Variants in LRRC4B observed in about 807,000 individuals in gnomAD.
The protein encoded by LRRC4B is leucine rich repeat containing 4B.
A neutral mutation model predicts 7.3 loss-of-function variants in LRRC4B; 1 was observed. The observed-to-expected ratio is 0.14, with a 90% confidence interval of 0.05 to 0.65. The LOEUF (loss-of-function observed/expected upper bound fraction) is 0.65, where lower values mean the gene tolerates loss of function less well. Ranked by LOEUF, LRRC4B falls within the 30% of genes least tolerant of loss-of-function variation. LRRC4B has a pLI of 0.84. For missense variants in LRRC4B, 730 were observed against 1,041.6 expected (o/e 0.70, Z 4.12); for synonymous variants, 500 against 499.2 (o/e 1.00, Z -0.02).
intron 1 of LRRC4B, among the ~76,000 whole-genome samples, chr19:50,562,528 TA>T (rs1218513540): frequency 2.0e-5 from 3 of 152,204 alleles, no homozygotes; most frequent in Non-Finnish European, 4.4e-5. Flanking sequence ...CCTCTGCGTT[TA>T]CCCCCTGGGG....
chr19:50,526,270 A>G (rs764196725), intron 2 of LRRC4B, among the ~76,000 whole-genome samples: 62 of 152,154 alleles, frequency 4.1e-4, no homozygotes, highest in Non-Finnish European at 6.0e-4. Context: ...CTGTTCTGGC[A>G]AGTCCCTGAG....
At chr19:50,567,325 G>C (rs1183531912) in intron 1 of LRRC4B, among the ~76,000 whole-genome samples, 4 of 151,796 alleles carry the variant, frequency 2.6e-5, no homozygotes, top group African/African-American at 9.7e-5. Flanking sequence ...GGTGACCCCA[G>C]AGGGAGAAGG....
In LRRC4B at chr19:50,518,354, G is replaced by A. The variant is rs1980396203; in HGVS notation, c.1359C>T (p.Val453=). The A allele has an allele frequency of 6.2e-7, 1 of 1,604,640 alleles. No individual in the cohort carries two copies. The highest frequency in any genetic ancestry group is 1.7e-5 in the Admixed American group (1 of 58,616). Residue 453 remains valine (V), a synonymous_variant, in exon 3 of 3, where the codon GTC becomes GTT. Transcript: ENST00000652263. The part of the protein sequence containing the change: ...GNTTASATLN[V]SAVDPVAAGG... ...CGGCCGCCACGGGGTCCACGGCCGA[G>A]ACGTTGAGCGTGGCCGAGGCGGTGG...
rs1441301947 is a variant in LRRC4B at position 50,518,155 on chromosome 19, C to T, written c.1558G>A (p.Gly520Ser). Reference protein sequence around the residue: ...EKEPPGPTTDGVWGGGRPGDA... With the variant: ...EKEPPGPTTDSVWGGGRPGDA... ...CCAGGCCGGCCCCCACCCCAGACAC[C>T]GTCTGTCGTGGGCCCTGGCGGTTCC... Residue 520 changes from glycine (G) to serine (S), a missense_variant, in exon 3 of 3, where the codon GGT (glycine) becomes AGT (serine). Transcript: ENST00000652263. 3.1e-6 allele frequency: 5 copies of T among 1,605,440 alleles called. No homozygotes were observed. Among genetic ancestry groups the T allele is most frequent in the African/African-American group, 1.3e-5 (1 of 74,816 alleles).
intron 2 of LRRC4B, among the ~76,000 whole-genome samples, chr19:50,525,608 G>A (rs965701456): frequency 4.7e-5 from 7 of 147,942 alleles, no homozygotes; most frequent in African/African-American, 1.8e-4. Context: ...TAGTAGAGAC[G>A]AGGGTTTTAT....
At chr19:50,535,100 C>T (rs1488016686) in intron 2 of LRRC4B, among the ~76,000 whole-genome samples, 1 of 152,096 alleles carries the variant, frequency 6.6e-6, no homozygotes, top group Non-Finnish European at 1.5e-5. Flanking sequence ...GATCTCCTGA[C>T]CTCATGATCT....
At chr19:50,532,075 AC>A (rs918067487) in intron 2 of LRRC4B, among the ~76,000 whole-genome samples, 11 of 151,674 alleles carry the variant, frequency 7.3e-5, no homozygotes, top group African/African-American at 2.7e-4. Context: ...CAACAACAAC[AC>A]CCACCAAAAT....
rs1020659806 is a variant in LRRC4B, at chr19:50,540,999, T to C, written c.297+7543A>G. On this transcript the variant is annotated intron_variant, in intron 2 of 2. Coordinates refer to ENST00000652263, the MANE Select transcript of LRRC4B (RefSeq NM_001080457.2). ...GAGATCGAGACCATCCTGGCTAACA[T>C]GGTGAAACCCTATCTCTACTAAAAA... 1.1e-4 allele frequency among the ~76,000 whole-genome samples: 16 copies of C among 151,354 alleles called. 1 individual carries two copies. Among genetic ancestry groups the C allele is most frequent in the African/African-American group, 3.4e-4 (14 of 41,174 alleles).
chr19:50,535,605 G>A lies in LRRC4B; in HGVS notation c.297+12937C>T, dbSNP rs140987750. 2.0e-5 allele frequency among the ~76,000 whole-genome samples: 3 copies of A among 152,304 alleles called. No homozygotes were observed. The East Asian group carries it at 5.8e-4, about 29-fold the overall frequency. ...TTGTCACATCAACTGTCTTTATGAT[G>A]ACTTCTCATATTTCTTGCTTGTCCC... On this transcript the variant is annotated intron_variant, in intron 2 of 2. Transcript: ENST00000652263.
intron 2 of LRRC4B, among the ~76,000 whole-genome samples, chr19:50,527,348 CTT>C (rs59423387): frequency 0.58 from 71,998 of 124,050 alleles, 20,242 homozygotes; most frequent in South Asian, 0.67. Context: ...TTTCTTTTTT[CTT>C]TTTTTTTTTT....
At chr19:50,523,713 C>T (rs1281376217) in intron 2 of LRRC4B, among the ~76,000 whole-genome samples, 1 of 151,892 alleles carries the variant, frequency 6.6e-6, no homozygotes, top group Non-Finnish European at 1.5e-5. Context: ...AATCCTAGCA[C>T]TCTGAGAGGC....
In LRRC4B at chr19:50,563,320, A is replaced by G. The variant is rs1011685444; in HGVS notation, c.-36+4624T>C. Among the ~76,000 whole-genome samples, 13 of 152,154 alleles carry G rather than the reference A, an allele frequency of 8.5e-5. No individual in the cohort carries two copies. The highest frequency in any genetic ancestry group is 1.8e-4 in the Non-Finnish European group (12 of 67,980). On this transcript the variant is annotated intron_variant, in intron 1 of 2. Coordinates refer to ENST00000652263, the MANE Select transcript of LRRC4B (RefSeq NM_001080457.2). The surrounding 1 kb of genome is among the most constrained non-coding windows in gnomAD (Gnocchi z 4.9). ...TGTCTGGCGGAGCCAGCCCAGCCTCAGGAACTGGGACTCGAAGGGAAGGGA... is the reference window on the plus strand; with the variant it reads ...TGTCTGGCGGAGCCAGCCCAGCCTCGGGAACTGGGACTCGAAGGGAAGGGA...
chr19:50,525,769 T>C (rs903049067), intron 2 of LRRC4B, among the ~76,000 whole-genome samples: 4 of 151,884 alleles, frequency 2.6e-5, no homozygotes, highest in Admixed American at 6.6e-5. Flanking sequence ...GCCGCCCCCA[T>C]CCTGGCCCCC....
At chr19:50,544,315 G>A (rs562327143) in intron 2 of LRRC4B, among the ~76,000 whole-genome samples, 16 of 151,672 alleles carry the variant, frequency 1.1e-4, no homozygotes, top group Admixed American at 2.6e-4. Flanking sequence ...GACCATCCTG[G>A]CTAACACAGT....
chr19:50,538,620 G>C (rs1981403700), intron 2 of LRRC4B, among the ~76,000 whole-genome samples: 1 of 130,414 alleles, frequency 7.7e-6, no homozygotes, highest in Non-Finnish European at 1.6e-5. Context: ...CTAGGCTGGA[G>C]TCCAGTGGCA....
intron 1 of LRRC4B, among the ~76,000 whole-genome samples, chr19:50,554,806 G>A (rs1362909607): frequency 6.6e-6 from 1 of 152,198 alleles, no homozygotes; most frequent in Admixed American, 6.5e-5. Context: ...GACACACAGA[G>A]GTACTGTTAG....
chr19:50,525,501 G>C (rs1395267469), intron 2 of LRRC4B, among the ~76,000 whole-genome samples: 1 of 151,422 alleles, frequency 6.6e-6, no homozygotes, highest in Non-Finnish European at 1.5e-5. Context: ...CACCTCCCGG[G>C]TTCAAGTGAT....
rs1421714656 is a variant in LRRC4B at position 50,537,891 on chromosome 19, A to C, written c.297+10651T>G. Among the ~76,000 whole-genome samples, 1 of 152,072 alleles carries C rather than the reference A, an allele frequency of 6.6e-6. No individual in the cohort carries two copies. Among genetic ancestry groups the C allele is most frequent in the Non-Finnish European group, 1.5e-5 (1 of 68,014 alleles). ...AGGCCGCAGTTAGACACGAAGTCTC[A>C]GCAGCCCGGGAACGGACGGCAGAGG... On this transcript the variant is annotated intron_variant, in intron 2 of 2. Transcript: ENST00000652263. The surrounding 1 kb of genome is among the most constrained non-coding windows in gnomAD (Gnocchi z 5.5).
At chr19:50,558,449 C>T (rs571753530) in intron 1 of LRRC4B, among the ~76,000 whole-genome samples, 1 of 152,304 alleles carries the variant, frequency 6.6e-6, no homozygotes, top group African/African-American at 2.4e-5. Context: ...AGGCTGGTCT[C>T]AAACTCTCGG....
Sources: allele counts gnomAD v4.1 joint callset (sites outside exome capture counted in the v4.1 genomes callset), GRCh38; gene constraint gnomAD v4.1.1; non-coding constraint Gnocchi (gnomAD v3.1); transcripts MANE v1.5; gene names NCBI Gene and HGNC (gene_info 2026-07-23, HGNC 2026-07-21).